Variants in PLXNA4 observed in about 807,000 individuals in gnomAD.
The protein encoded by PLXNA4 is plexin A4, also known as plexin-A4.
In PLXNA4, 44 loss-of-function variants were observed where a neutral mutation model predicts 191.8. The ratio of observed to expected loss-of-function variants is 0.23; its 90% confidence interval spans 0.18 to 0.29. The LOEUF (loss-of-function observed/expected upper bound fraction) is 0.29, where lower values mean the gene tolerates loss of function less well. PLXNA4 is among the 10% of genes least tolerant of loss of function. PLXNA4 has a pLI of 1.00. For synonymous variants in PLXNA4, 1,082 were observed against 1,009.5 expected, an observed-to-expected ratio of 1.07 and a Z score of -1.36; for missense variants, 1,800 against 2,488.8, an observed-to-expected ratio of 0.72 and a Z score of 5.89.
intron 3 of PLXNA4, among the ~76,000 whole-genome samples, chr7:132,321,191 T>C (rs1171685971): frequency 1.3e-5 from 2 of 152,144 alleles, no homozygotes; most frequent in Non-Finnish European, 2.9e-5. Flanking sequence ...CTCTGACTCT[T>C]TCTCCTGACA....
intron 3 of PLXNA4, among the ~76,000 whole-genome samples, chr7:132,485,324 A>C (rs1394312390): frequency 6.6e-6 from 1 of 152,222 alleles, no homozygotes; most frequent in East Asian, 1.9e-4. Context: ...ACATCCAGGG[A>C]AGACGCAATC....
intron 3 of PLXNA4, among the ~76,000 whole-genome samples, chr7:132,408,599 G>T (rs1250187253): frequency 2.0e-5 from 3 of 152,094 alleles, no homozygotes; most frequent in Admixed American, 6.5e-5. Flanking sequence ...GAGTAGCTGG[G>T]ACTACAGGCA....
intron 3 of PLXNA4, among the ~76,000 whole-genome samples, chr7:132,356,037 C>T (rs934252213): frequency 1.3e-5 from 2 of 152,078 alleles, no homozygotes; most frequent in East Asian, 3.9e-4. Flanking sequence ...ATTTAATGCT[C>T]CTTTTGAACG....
intron 1 of PLXNA4, among the ~76,000 whole-genome samples, chr7:132,548,684 C>A (rs1800416514): frequency 6.6e-6 from 1 of 152,126 alleles, no homozygotes; most frequent in Admixed American, 6.5e-5. Context: ...GTGTTTGAAC[C>A]AGAGTGACTC....
upstream of PLXNA4, among the ~76,000 whole-genome samples, chr7:132,577,569 G>T (rs1047182395): frequency 3.6e-4 from 54 of 152,016 alleles, no homozygotes; most frequent in Non-Finnish European, 6.3e-4. Context: ...CCCACCCGCC[G>T]CCGCCCGGCT....
chr7:132,223,782 C>T, intron 8 of PLXNA4, 141 bp from the exon 9 acceptor site: 1 of 646,144 alleles, frequency 1.5e-6, no homozygotes. Flanking sequence ...AGATCTTATG[C>T]ACATCTATCC....
intron 3 of PLXNA4, among the ~76,000 whole-genome samples, chr7:132,437,802 C>G (rs1301094503): frequency 6.6e-6 from 1 of 152,180 alleles, no homozygotes; most frequent in African/African-American, 2.4e-5. Context: ...TGCAGACTGT[C>G]AGCAGCAGGA....
intron 30 of PLXNA4, among the ~76,000 whole-genome samples, chr7:132,134,382 G>C (rs968712117): frequency 2.6e-5 from 4 of 152,184 alleles, no homozygotes; most frequent in Non-Finnish European, 5.9e-5. Flanking sequence ...GGCAGAGATG[G>C]TTTTCCTGTG....
At position 132,416,989 on chromosome 7, in the gene PLXNA4, TA is replaced by T. The variant is rs896243279; in HGVS notation, c.1371+72302del. 6.3e-3 allele frequency among the ~76,000 whole-genome samples: 927 copies of T among 146,164 alleles called. 5 individuals are homozygous for T. The highest frequency in any genetic ancestry group is 0.02 in the African/African-American group (820 of 40,054). ...ATTCAACTGCATTTCAGATTCTAGT[TA>T]AAAAAAAAAAGTGACTATATCCTGC... is the stretch of plus-strand genomic sequence containing the variant. On this transcript the variant is annotated intron_variant, in intron 3 of 31. Coordinates refer to ENST00000321063, the MANE Select transcript of PLXNA4 (RefSeq NM_020911.2).
At chr7:132,600,506 G>A (rs968320083) in intron 2 of PLXNA4, among the ~76,000 whole-genome samples, 4 of 152,086 alleles carry the variant, frequency 2.6e-5, no homozygotes, top group Non-Finnish European at 5.9e-5. Context: ...AGGAACACAC[G>A]TGTGTGCCAC....
At chr7:132,396,446 G>C (rs550543584) in intron 3 of PLXNA4, among the ~76,000 whole-genome samples, 2 of 152,174 alleles carry the variant, frequency 1.3e-5, no homozygotes, top group African/African-American at 4.8e-5. Flanking sequence ...GTCCAAGGTC[G>C]AACAACTGAT....
chr7:132,401,880 A>G (rs909067717), intron 3 of PLXNA4, among the ~76,000 whole-genome samples: 4 of 152,220 alleles, frequency 2.6e-5, no homozygotes, highest in African/African-American at 9.6e-5. Context: ...CCAATTCCCC[A>G]GAAGGCACTT....
At chr7:132,226,284 G>A in intron 7 of PLXNA4, 24 bp from the exon 8 acceptor site, 12 of 1,591,296 alleles carry the variant, frequency 7.5e-6, no homozygotes, top group Non-Finnish European at 9.5e-6. Flanking sequence ...TGGCTGAGGG[G>A]TCAGGGAATG....
intron 20 of PLXNA4, among the ~76,000 whole-genome samples, chr7:132,175,225 A>T (rs1796418839): frequency 6.6e-6 from 1 of 151,708 alleles, no homozygotes; most frequent in Admixed American, 6.6e-5. Flanking sequence ...GCCAGGAGAG[A>T]CTCCCCATCT....
At chr7:132,323,270 CAGGAAA>C (rs1802245591) in intron 3 of PLXNA4, among the ~76,000 whole-genome samples, 2 of 152,162 alleles carry the variant, frequency 1.3e-5, no homozygotes, top group East Asian at 3.9e-4. Context: ...CTGGTGGGCA[CAGGAAA>C]CCGAAGGATT....
intron 3 of PLXNA4, among the ~76,000 whole-genome samples, chr7:132,321,494 T>C (rs1028798153): frequency 1.3e-5 from 2 of 151,968 alleles, no homozygotes; most frequent in African/African-American, 2.4e-5. Context: ...GCAACTCCCA[T>C]AAACAGCAGA....
At chr7:132,561,317 TCTCCTCCTCTTCCTCCTCTTC>T (rs1169553022) in intron 1 of PLXNA4, among the ~76,000 whole-genome samples, 21 of 97,206 alleles carry the variant, frequency 2.2e-4, no homozygotes, top group African/African-American at 7.2e-4. Context: ...TTCTCCTTCT[TCTCCTCCTCTTCCTCCTCTTC>T]CTCCTCCTCC....
chr7:132,611,274 G>A (rs117298707), intron 2 of PLXNA4, among the ~76,000 whole-genome samples: 24 of 152,332 alleles, frequency 1.6e-4, no homozygotes, highest in Non-Finnish European at 2.9e-4. Context: ...GATCAGAAGT[G>A]AGAAACTGCA....
intron 2 of PLXNA4, among the ~76,000 whole-genome samples, chr7:132,633,793 G>C (rs985425069): frequency 3.3e-5 from 5 of 152,030 alleles, no homozygotes; most frequent in East Asian, 1.9e-4. Flanking sequence ...TGTCCCCATA[G>C]CCTGTCCGTC....
Sources: gnomAD v4.1 joint callset for allele counts (sites outside exome capture counted in the v4.1 genomes callset) on GRCh38, gnomAD v4.1.1 for gene constraint, MANE v1.5 for transcripts, NCBI Gene and HGNC (gene_info 2026-07-23, HGNC 2026-07-21) for gene names.